Variants in MED27 observed in about 807,000 individuals in gnomAD.
The protein encoded by MED27 is mediator complex subunit 27.
In MED27, 30 loss-of-function variants were observed where a neutral mutation model predicts 38.2. The observed-to-expected ratio is 0.79, with a 90% CI of 0.59 to 1.07. MED27 has a LOEUF of 1.07. MED27 is among the 50% of genes least tolerant of loss of function. MED27 has a pLI of 0.00. For missense variants in MED27, 289 were observed against 397.5 expected (o/e 0.73, Z 2.32); for synonymous variants, 122 against 153.5 (o/e 0.79, Z 1.52).
intron 4 of MED27, among the ~76,000 whole-genome samples, chr9:131,907,904 G>A (rs1830101295): frequency 6.6e-6 from 1 of 151,140 alleles, no homozygotes; most frequent in African/African-American, 2.4e-5. Flanking sequence ...CCTCTGCCCG[G>A]CCGCGACCCC....
chr9:132,001,021 G>C (rs1411803165), intron 3 of MED27, among the ~76,000 whole-genome samples: 2 of 151,956 alleles, frequency 1.3e-5, no homozygotes, highest in African/African-American at 4.8e-5. Context: ...GATCACTTGA[G>C]CCCAGGAATT....
At position 132,051,675 on chromosome 9, in the gene MED27, A is replaced by T. The variant is rs917686573; in HGVS notation, c.348+25767T>A. 9.2e-5 allele frequency among the ~76,000 whole-genome samples: 14 copies of T among 152,214 alleles called. No individual in the cohort carries two copies. Among genetic ancestry groups the T allele is most frequent in the African/African-American group, 2.9e-4 (12 of 41,460 alleles). ...AAGTTTAATTAAAATTAAGTAAAAT[A>T]AAAAACTTATTTCCTCAGTAACACT... On this transcript the variant is annotated intron_variant, in intron 2 of 7. Transcript: ENST00000292035. This position sits in a 1 kb window ranked among gnomAD's most constrained non-coding sequence, Gnocchi z 4.2.
rs576409011 is a variant in MED27 at position 131,911,697 on chromosome 9, A to G, written c.574-17705T>C. On this transcript the variant is annotated intron_variant, in intron 4 of 7. Transcript: ENST00000292035. Reference sequence around the variant, plus strand: ...ACTTGAAGCAAGAATATGATGGTATATCAACATTAGATATAGTCTTTTAGC... The same window carrying G: ...ACTTGAAGCAAGAATATGATGGTATGTCAACATTAGATATAGTCTTTTAGC... 1.4e-4 allele frequency among the ~76,000 whole-genome samples: 21 copies of G among 152,358 alleles called. No individual in the cohort carries two copies. In the Middle Eastern group the frequency reaches 0.031, roughly 222 times the overall value.
chr9:131,996,804 T>G (rs1170276896), intron 3 of MED27, among the ~76,000 whole-genome samples: 2 of 152,212 alleles, frequency 1.3e-5, no homozygotes, highest in African/African-American at 4.8e-5. Context: ...GATGAAGACC[T>G]TTATGAGGAT....
intron 4 of MED27, among the ~76,000 whole-genome samples, chr9:131,920,265 C>T (rs1830364817): frequency 1.3e-5 from 2 of 152,170 alleles, no homozygotes; most frequent in Admixed American, 6.5e-5. Flanking sequence ...TTTACAAGTG[C>T]GCTTATCAAT....
At chr9:132,013,071 T>TG (rs1319459517) in intron 3 of MED27, among the ~76,000 whole-genome samples, 1 of 152,198 alleles carries the variant, frequency 6.6e-6, no homozygotes, top group African/African-American at 2.4e-5. Context: ...CTCGGGCATC[T>TG]GGCCCTCCCA....
At chr9:131,975,044 A>G (rs1031980565) in intron 3 of MED27, among the ~76,000 whole-genome samples, 1 of 152,202 alleles carries the variant, frequency 6.6e-6, no homozygotes, top group Non-Finnish European at 1.5e-5. Context: ...TTTCATGCTG[A>G]CCTTTAAGCC....
chr9:131,875,978 A>C (rs960333834), intron 6 of MED27, among the ~76,000 whole-genome samples: 3 of 152,174 alleles, frequency 2.0e-5, no homozygotes, highest in Non-Finnish European at 4.4e-5. Flanking sequence ...GGGAGCCGGG[A>C]CCTGATGACA....
rs1832849473 is a variant in MED27, at chr9:132,027,487, C to T, written c.349-13020G>A. Among the ~76,000 whole-genome samples the T allele has an allele frequency of 3.3e-5, 5 of 152,362 alleles. No homozygotes were observed. The South Asian group carries it at 6.2e-4, about 19-fold the overall frequency. ...CTGCTGCAGCCTGAGCAGGCACACT[C>T]GTGTGCACACACCTTTTCACCCACT... is the stretch of plus-strand genomic sequence containing the variant. On this transcript the variant is annotated intron_variant, in intron 2 of 7. Coordinates refer to ENST00000292035, the MANE Select transcript of MED27 (RefSeq NM_004269.4).
chr9:131,881,960 T>C (rs1349533911), intron 6 of MED27, among the ~76,000 whole-genome samples: 1 of 152,024 alleles, frequency 6.6e-6, no homozygotes, highest in African/African-American at 2.4e-5. Context: ...TTCACCATGT[T>C]GGCCAGGCTG....
chr9:131,987,700 A>T (rs1831884318), intron 3 of MED27, among the ~76,000 whole-genome samples: 1 of 152,204 alleles, frequency 6.6e-6, no homozygotes, highest in Non-Finnish European at 1.5e-5. Context: ...AGCTGTCAGG[A>T]GGACAATATT....
intron 2 of MED27, among the ~76,000 whole-genome samples, chr9:132,039,542 G>A (rs1833161565): frequency 1.3e-5 from 2 of 152,150 alleles, no homozygotes; most frequent in South Asian, 4.1e-4. Context: ...GGTACTGAGC[G>A]AAAAGAAGGT....
intron 3 of MED27, among the ~76,000 whole-genome samples, chr9:131,969,260 A>C (rs939806183): frequency 1.3e-5 from 2 of 148,716 alleles, no homozygotes; most frequent in African/African-American, 4.9e-5. Context: ...CTGCTGATCT[A>C]GAGATTGTTT....
At chr9:131,868,477 G>C in intron 6 of MED27, 1 of 681,868 alleles carries the variant, frequency 1.5e-6, no homozygotes, top group Non-Finnish European at 1.8e-6. Flanking sequence ...GGGTCTCACT[G>C]TATTGCCCAG....
At chr9:131,993,242 TTA>T (rs1491395285) in intron 3 of MED27, among the ~76,000 whole-genome samples, 2 of 132,168 alleles carry the variant, frequency 1.5e-5, no homozygotes, top group African/African-American at 5.2e-5. Flanking sequence ...TTTTTTTTTT[TTA>T]AAAAATTCAA....
At chr9:131,910,691 C>G (rs982564637) in intron 4 of MED27, among the ~76,000 whole-genome samples, 1 of 152,206 alleles carries the variant, frequency 6.6e-6, no homozygotes, top group Non-Finnish European at 1.5e-5. Flanking sequence ...ACAACACCGG[C>G]TAAGGTCACA....
In MED27 at chr9:131,892,142, G is replaced by A. The variant is rs750080030; in HGVS notation, c.681+1743C>T. 3.3e-5 allele frequency among the ~76,000 whole-genome samples: 5 copies of A among 152,110 alleles called. No individual in the cohort carries two copies. In the East Asian group the frequency reaches 5.8e-4, roughly 18 times the overall value. ...GGATGAGAATGGCCAAAGAGAATGC[G>A]CAGAGGGAGAAGAAAACTCTGGGAA... On this transcript the variant is annotated intron_variant, in intron 5 of 7. Transcript: ENST00000292035.
intron 6 of MED27, among the ~76,000 whole-genome samples, chr9:131,879,534 T>C (rs1470631581): frequency 6.6e-6 from 1 of 152,138 alleles, no homozygotes; most frequent in Non-Finnish European, 1.5e-5. Context: ...AGAACTCCCA[T>C]CTCAGAGGTG....
Position 131,997,658 on chromosome 9 carries a change from C to A in MED27, c.479+16679G>T, listed in dbSNP as rs76811141. On this transcript the variant is annotated intron_variant, in intron 3 of 7. Transcript: ENST00000292035. The surrounding 1 kb of genome is among the most constrained non-coding windows in gnomAD (Gnocchi z 4.0). ...AACCTCTGCTTCCTGAGAACCTAAT[C>A]CTCTGCCTTGTACTACAGCTGAGAC... Among the ~76,000 whole-genome samples the A allele has an allele frequency of 6.6e-6, 1 of 152,164 alleles. No individual in the cohort carries two copies. Among genetic ancestry groups the A allele is most frequent in the Non-Finnish European group, 1.5e-5 (1 of 68,022 alleles).
Sources: allele counts gnomAD v4.1 joint callset (sites outside exome capture counted in the v4.1 genomes callset), GRCh38; gene constraint gnomAD v4.1.1; non-coding constraint Gnocchi (gnomAD v3.1); transcripts MANE v1.5; gene names NCBI Gene and HGNC (gene_info 2026-07-23, HGNC 2026-07-21).